PLEKHD1: variants seen among roughly 807,000 people sequenced by gnomAD.
The protein encoded by PLEKHD1 is pleckstrin homology domain-containing family D member 1.
A neutral mutation model predicts 69.2 loss-of-function variants in PLEKHD1; 51 were observed. The observed-to-expected ratio is 0.74, with a 90% CI of 0.59 to 0.93. PLEKHD1 has a LOEUF of 0.93. Among genes scored for constraint, PLEKHD1 ranks in the 40% least tolerant of loss-of-function variants. PLEKHD1 has a pLI of 0.00. For missense variants in PLEKHD1, 584 were observed against 641.0 expected, an observed-to-expected ratio of 0.91 and a Z score of 0.96; for synonymous variants, 236 against 244.7, an observed-to-expected ratio of 0.96 and a Z score of 0.33.
chr14:69,513,513 G>A (rs1253724452), intron 6 of PLEKHD1, among the ~76,000 whole-genome samples: 1 of 152,198 alleles, frequency 6.6e-6, no homozygotes, highest in Non-Finnish European at 1.5e-5. Context: ...CTGAAGTGTG[G>A]CCGCTGGGAT....
At chr14:69,519,612 T>G (rs546300124) in intron 6 of PLEKHD1, among the ~76,000 whole-genome samples, 35 of 152,350 alleles carry the variant, frequency 2.3e-4, no homozygotes, top group Non-Finnish European at 4.7e-4. Context: ...CACATTCACT[T>G]TCTTCTTCTC....
At chr14:69,523,067 G>A (rs1366566720) in intron 7 of PLEKHD1, among the ~76,000 whole-genome samples, 2 of 152,044 alleles carry the variant, frequency 1.3e-5, no homozygotes, top group Non-Finnish European at 1.5e-5. Context: ...TGAGGAGCTG[G>A]GATTACAGAC....
intron 6 of PLEKHD1, among the ~76,000 whole-genome samples, chr14:69,519,798 G>GA (rs1478865832): frequency 6.6e-6 from 1 of 152,194 alleles, no homozygotes; most frequent in Non-Finnish European, 1.5e-5. Flanking sequence ...ACTTTCCAGG[G>GA]ATGGGGTGGA....
intron 1 of PLEKHD1, among the ~76,000 whole-genome samples, chr14:69,487,993 A>G (rs1882691621): frequency 6.6e-6 from 1 of 152,078 alleles, no homozygotes; most frequent in Admixed American, 6.5e-5. Context: ...AGGAGGACCC[A>G]CCCACTTCCT....
At chr14:69,502,037 C>T in intron 5 of PLEKHD1, 1 of 467,422 alleles carries the variant, frequency 2.1e-6, no homozygotes, top group Non-Finnish European at 3.8e-6. Flanking sequence ...TGGTTAAGAG[C>T]CTGGGCTCTG....
intron 1 of PLEKHD1, among the ~76,000 whole-genome samples, chr14:69,492,480 T>G (rs1310519958): frequency 6.6e-6 from 1 of 152,252 alleles, no homozygotes; most frequent in African/African-American, 2.4e-5. Context: ...AAAGTTACAG[T>G]GTACTGTGGT....
At chr14:69,498,167 C>T (rs1234736963) in intron 1 of PLEKHD1, among the ~76,000 whole-genome samples, 1 of 150,092 alleles carries the variant, frequency 6.7e-6, no homozygotes, top group African/African-American at 2.5e-5. Flanking sequence ...TCACTGCAAC[C>T]TCCTGGGTTC....
At chr14:69,502,084 G>A (rs1883041959) in intron 5 of PLEKHD1, 1 of 366,438 alleles carries the variant, frequency 2.7e-6, no homozygotes, top group African/African-American at 2.1e-5. Context: ...TCTCAGCTGT[G>A]TATATCTTTA....
intron 8 of PLEKHD1, among the ~76,000 whole-genome samples, chr14:69,524,960 C>T (rs753908079): frequency 6.6e-6 from 1 of 152,134 alleles, no homozygotes; most frequent in Non-Finnish European, 1.5e-5. Flanking sequence ...TTTCATGCTC[C>T]ATACCTTTTC....
At chr14:69,474,389 A>G in the PLEKHD1 span, among the ~76,000 whole-genome samples, 18 of 152,228 alleles carry the variant, frequency 1.2e-4, no homozygotes, top group Non-Finnish European at 2.5e-4. Flanking sequence ...GTTCGCGACC[A>G]TGGGCCAGAG....
chr14:69,525,855 T>A, intron 8 of PLEKHD1, 89 bp from the exon 9 acceptor site: 1 of 1,245,492 alleles, frequency 8.0e-7, no homozygotes, highest in Non-Finnish European at 1.1e-6. Flanking sequence ...GAGGAGTGGG[T>A]CACTCCCCCA....
the PLEKHD1 span, among the ~76,000 whole-genome samples, chr14:69,471,666 C>T: frequency 6.6e-6 from 1 of 152,120 alleles, no homozygotes; most frequent in South Asian, 2.1e-4. Context: ...CTCGGAGTCC[C>T]AGTCATTCAG....
At chr14:69,490,150 G>C (rs1032137225) in intron 1 of PLEKHD1, among the ~76,000 whole-genome samples, 3 of 152,182 alleles carry the variant, frequency 2.0e-5, no homozygotes, top group East Asian at 3.9e-4. Context: ...TTACAGGCAT[G>C]AGCCCCCTGT....
upstream of PLEKHD1, among the ~76,000 whole-genome samples, chr14:69,484,117 G>A (rs1230710161): frequency 6.6e-6 from 1 of 152,242 alleles, no homozygotes; most frequent in Non-Finnish European, 1.5e-5. Context: ...GGAGCACAGT[G>A]AAACCCACCT....
the PLEKHD1 span, among the ~76,000 whole-genome samples, chr14:69,479,477 G>A: frequency 6.6e-6 from 1 of 152,112 alleles, no homozygotes; most frequent in East Asian, 1.9e-4. Context: ...GGTGGGAAGA[G>A]TCACCAGAAA....
Position 69,526,712 on chromosome 14 carries a change from G to GGA in PLEKHD1, c.941_942dup (p.Arg315SerfsTer27). 1 of 1,537,320 alleles carries GGA rather than the reference G, an allele frequency of 6.5e-7. No individual in the cohort carries two copies. The highest frequency in any genetic ancestry group is 8.8e-7 in the Non-Finnish European group (1 of 1,139,924). On this transcript the variant is annotated frameshift_variant, in exon 10 of 13. Transcript: ENST00000322564. LOFTEE classifies it high-confidence loss of function. ...GTCCCTACAGGATGAAGGAGAACGA[G>GGA]GAGCGCTCACGGGCCCTGGAGGAGG...
intron 6 of PLEKHD1, among the ~76,000 whole-genome samples, chr14:69,520,455 G>A (rs1011303414): frequency 2.6e-5 from 4 of 152,262 alleles, no homozygotes; most frequent in Admixed American, 2.6e-4. Context: ...TCATCAAAGA[G>A]GGATTGGGGT....
At chr14:69,506,926 G>A (rs371254023) in intron 6 of PLEKHD1, among the ~76,000 whole-genome samples, 1 of 107,022 alleles carries the variant, frequency 9.3e-6, no homozygotes, top group African/African-American at 4.9e-5. Flanking sequence ...TTTTAAAGAC[G>A]GAATCTTGCC....
At chr14:69,525,458 G>T (rs1883621429) in intron 8 of PLEKHD1, among the ~76,000 whole-genome samples, 1 of 152,120 alleles carries the variant, frequency 6.6e-6, no homozygotes, top group Non-Finnish European at 1.5e-5. Context: ...CTGATAAATG[G>T]AGAGGACATC....
Sources: gnomAD v4.1 joint callset for allele counts (sites outside exome capture counted in the v4.1 genomes callset) on GRCh38, gnomAD v4.1.1 for gene constraint, MANE v1.5 for transcripts, NCBI Gene and HGNC (gene_info 2026-07-23, HGNC 2026-07-21) for gene names.